The following CCDC62 variants were observed in gnomAD, a reference collection of about 807,000 sequenced individuals.
The protein encoded by CCDC62 is coiled-coil domain containing 62.
CCDC62 carries 72 observed loss-of-function variants against 80.8 expected under a neutral mutation model. That is an observed-to-expected ratio of 0.89 (90% CI 0.74 to 1.08). CCDC62 has a LOEUF of 1.08. Among genes scored for constraint, CCDC62 ranks in the 50% least tolerant of loss-of-function variants. The probability of loss-of-function intolerance (pLI) is 0.00; values close to 1 mark genes in which losing one functional copy is unlikely to be tolerated. For missense variants in CCDC62, 704 were observed against 809.4 expected (o/e 0.87, Z 1.58); for synonymous variants, 286 against 296.5 (o/e 0.96, Z 0.36).
At position 122,781,641 on chromosome 12, in the gene CCDC62, C is replaced by T. The variant is rs193002744; in HGVS notation, c.396+311C>T. Among the ~76,000 whole-genome samples the T allele has an allele frequency of 2.7e-4, 40 of 150,876 alleles. No homozygotes were observed. The East Asian group carries it at 5.1e-3, about 19-fold the overall frequency. On this transcript the variant is annotated intron_variant, in intron 3 of 12. Coordinates refer to ENST00000253079, the MANE Select transcript of CCDC62 (RefSeq NM_201435.5). Reference sequence around the variant, plus strand: ...TGGAGGTTGCGGTGAGCCAAGATCGCGCCATTGCACTCCAGTCCGGGCAAC... The same window carrying T: ...TGGAGGTTGCGGTGAGCCAAGATCGTGCCATTGCACTCCAGTCCGGGCAAC...
intron 4 of CCDC62, among the ~76,000 whole-genome samples, chr12:122,787,431 A>G (rs2030325950): frequency 7.2e-6 from 1 of 139,798 alleles, no homozygotes; most frequent in Non-Finnish European, 1.5e-5. Flanking sequence ...AGCTTGGGCG[A>G]CAGAGCAAGA....
chr12:122,799,415 G>T (rs2031159506), intron 8 of CCDC62, among the ~76,000 whole-genome samples: 1 of 152,150 alleles, frequency 6.6e-6, no homozygotes, highest in African/African-American at 2.4e-5. Context: ...AAGAAGTAAT[G>T]CCAAGGAATG....
chr12:122,789,928 G>A (rs573401657), intron 5 of CCDC62, among the ~76,000 whole-genome samples: 3 of 151,272 alleles, frequency 2.0e-5, no homozygotes, highest in South Asian at 2.1e-4. Context: ...CATGGCACAA[G>A]GGCTACACTC....
At chr12:122,798,949 A>G (rs2031128821) in intron 8 of CCDC62, among the ~76,000 whole-genome samples, 2 of 149,392 alleles carry the variant, frequency 1.3e-5, no homozygotes, top group Non-Finnish European at 1.5e-5. Context: ...GCATGGTGGC[A>G]GGCGCCTGTA....
intron 9 of CCDC62, 48 bp downstream of exon 9, chr12:122,801,900 T>G (rs1254349390): frequency 6.4e-7 from 1 of 1,565,228 alleles, no homozygotes; most frequent in East Asian, 2.2e-5. Context: ...TGCATGCCAG[T>G]ATTTGGAAAT....
chr12:122,777,397 C>T (rs1311462626), intron 1 of CCDC62, 94 bp from the exon 2 acceptor site: 18 of 1,039,096 alleles, frequency 1.7e-5, no homozygotes, highest in African/African-American at 3.2e-5. Flanking sequence ...TAGAATTGGC[C>T]GCAAAAGAAG....
At chr12:122,818,009 A>G (rs959420998) in intron 11 of CCDC62, among the ~76,000 whole-genome samples, 2 of 152,062 alleles carry the variant, frequency 1.3e-5, no homozygotes, top group Non-Finnish European at 2.9e-5. Context: ...AGGAACATGC[A>G]GAAAAAAGAA....
At chr12:122,774,875 G>A (rs965983483) in intron 1 of CCDC62, among the ~76,000 whole-genome samples, 169 bp downstream of exon 1, 12 of 151,528 alleles carry the variant, frequency 7.9e-5, no homozygotes, top group Non-Finnish European at 1.6e-4. Flanking sequence ...GGATCACGAG[G>A]TCAGGAGATC....
chr12:122,816,840 C>T (rs952191522), intron 11 of CCDC62, among the ~76,000 whole-genome samples: 9 of 152,162 alleles, frequency 5.9e-5, no homozygotes, highest in Non-Finnish European at 1.0e-4. Context: ...CGTGCAGCCA[C>T]TACCGCTATC....
Position 122,801,504 on chromosome 12 carries a change from C to G in CCDC62, c.1358C>G (p.Pro453Arg), listed in dbSNP as rs768650790. 5 of 1,614,106 alleles carry G rather than the reference C, an allele frequency of 3.1e-6. No individual in the cohort carries two copies. Among genetic ancestry groups the G allele is most frequent in the Non-Finnish European group, 4.2e-6 (5 of 1,180,038 alleles). The change falls in exon 9 of 13, where the codon CCC (proline) becomes CGC (arginine). Residue 453 changes from proline (P) to arginine (R), a missense_variant. Pro to Arg is a moderately radical substitution (Grantham distance 103, BLOSUM62 -2). Coordinates refer to ENST00000253079, the MANE Select transcript of CCDC62 (RefSeq NM_201435.5). ...QNEGKQPSET[P>R]TLSDEKQWHD... ...GAAGGAAAACAACCCTCAGAAACAC[C>G]CACTTTATCTGATGAGAAGCAGTGG...
In CCDC62 at chr12:122,819,213, G is replaced by A. The variant is rs78402936; in HGVS notation, c.2002-4153G>A. The stretch of plus-strand genomic sequence containing the variant: ...CCCCCATGCCTTTGTACTGAGTACA[G>A]CTAGGTACCGAAAAAGCAAATAATT... On this transcript the variant is annotated intron_variant, in intron 11 of 12. Transcript: ENST00000253079. 6.5e-3 allele frequency among the ~76,000 whole-genome samples: 983 copies of A among 152,274 alleles called. 15 individuals carry two copies. The highest frequency in any genetic ancestry group is 0.023 in the African/African-American group (935 of 41,552).
chr12:122,785,811 A>G lies in CCDC62; in HGVS notation c.489A>G (p.Ile163Met). ...GAGAACAAGCTCTTACGACAATGATAAAGCTAAAGGTAATCAAAAATAAGA... is the reference window on the plus strand; with the variant it reads ...GAGAACAAGCTCTTACGACAATGATGAAGCTAAAGGTAATCAAAAATAAGA... ...QAREQALTTM[I>M]KLKDKDIIEA... The change falls in exon 4 of 13, where the codon ATA becomes ATG. Residue 163 changes from isoleucine (I) to methionine (M), a missense_variant. Transcript: ENST00000253079. The G allele has an allele frequency of 6.2e-7, 1 of 1,604,854 alleles. No homozygotes were observed. Among genetic ancestry groups the G allele is most frequent in the Non-Finnish European group, 8.5e-7 (1 of 1,171,608 alleles).
At chr12:122,793,299 G>A (rs1309656049) in intron 6 of CCDC62, among the ~76,000 whole-genome samples, 1 of 152,104 alleles carries the variant, frequency 6.6e-6, no homozygotes, top group Non-Finnish European at 1.5e-5. Flanking sequence ...ACCAAAAAGT[G>A]TTCATATGAT....
At chr12:122,805,993 T>C (rs1175670127) in intron 9 of CCDC62, among the ~76,000 whole-genome samples, 158 bp from the exon 10 acceptor site, 1 of 152,232 alleles carries the variant, frequency 6.6e-6, no homozygotes, top group Admixed American at 6.5e-5. Flanking sequence ...CATTAACTTA[T>C]AATATTCTAT....
intron 11 of CCDC62, among the ~76,000 whole-genome samples, chr12:122,817,535 G>A (rs1287605622): frequency 6.6e-6 from 1 of 151,018 alleles, no homozygotes; most frequent in Non-Finnish European, 1.5e-5. Context: ...TGTTGGCCAG[G>A]CTGGTCTCAA....
chr12:122,781,220 C>CTT lies in CCDC62; in HGVS notation c.287_288dup (p.Glu97LeufsTer47). The CTT allele has an allele frequency of 6.2e-7, 1 of 1,614,028 alleles. No homozygotes were observed. The highest frequency in any genetic ancestry group is 8.5e-7 in the Non-Finnish European group (1 of 1,179,914). On this transcript the variant is annotated frameshift_variant, in exon 3 of 13. Transcript: ENST00000253079. LOFTEE classifies it high-confidence loss of function. The stretch of plus-strand genomic sequence containing the variant: ...GTCACTCACGAAGAAGGTAAAAGCT[C>CTT]TTGAATCCAATCAAATGGAATGCCA...
At position 122,825,292 on chromosome 12, in the gene CCDC62, C is replaced by G. The variant is rs1362069972; in HGVS notation, c.*41-1130C>G. On this transcript the variant is annotated intron_variant, in intron 12 of 12. Coordinates refer to ENST00000253079, the MANE Select transcript of CCDC62 (RefSeq NM_201435.5). ...CCAGGTTCAAGCGATTCTCCTGCCT[C>G]AGTCTCCCAAGCAGCTGGGATTACA... Among the ~76,000 whole-genome samples the G allele has an allele frequency of 6.0e-5, 9 of 149,986 alleles. No individual in the cohort carries two copies. In the Middle Eastern group the frequency reaches 0.014, roughly 233 times the overall value.
intron 1 of CCDC62, among the ~76,000 whole-genome samples, chr12:122,776,033 A>G (rs189988943): frequency 3.3e-5 from 5 of 152,260 alleles, no homozygotes; most frequent in Non-Finnish European, 2.9e-5. Context: ...TAACACTTTT[A>G]GTTGTTTATT....
At chr12:122,806,317 C>T (rs2031601300) in intron 10 of CCDC62, 22 bp downstream of exon 10, 2 of 1,586,630 alleles carry the variant, frequency 1.3e-6, no homozygotes, top group East Asian at 4.5e-5. Context: ...GCTTAGACAT[C>T]CCCAGCTTAC....
Sources: allele counts gnomAD v4.1 joint callset (sites outside exome capture counted in the v4.1 genomes callset), GRCh38; gene constraint gnomAD v4.1.1; transcripts MANE v1.5; gene names NCBI Gene and HGNC (gene_info 2026-07-23, HGNC 2026-07-21).